Variants in SPATA13 observed in about 807,000 individuals in gnomAD.
SPATA13 encodes spermatogenesis-associated protein 13.
Under a neutral mutation model 104.0 loss-of-function variants are expected in SPATA13, and 50 were observed. The ratio of observed to expected loss-of-function variants is 0.48; its 90% CI spans 0.38 to 0.61. The LOEUF (loss-of-function observed/expected upper bound fraction) is 0.61, where lower values mean the gene tolerates loss of function less well. SPATA13 is among the 20% of genes least tolerant of loss of function. The probability of loss-of-function intolerance (pLI) is 0.00; values close to 1 mark genes in which losing one functional copy is unlikely to be tolerated. For synonymous variants in SPATA13, 606 were observed against 667.5 expected (o/e 0.91, Z 1.42); for missense variants, 1,524 against 1,690.6 (o/e 0.90, Z 1.73).
chr13:24,290,647 C>T lies in SPATA13; in HGVS notation c.2848-5C>T. 2.5e-6 allele frequency: 4 copies of T among 1,613,146 alleles called. No homozygotes were observed. The highest frequency in any genetic ancestry group is 3.4e-6 in the Non-Finnish European group (4 of 1,179,116). On this transcript the variant is annotated splice_region_variant and splice_polypyrimidine_tract_variant and intron_variant, in intron 8 of 12. Transcript: ENST00000382108. ...AGCTGACGAAGCTGTACTTTTCCTT[C>T]CCAGCAAGAGGGCTTTGCCATCTAT...
chr13:24,032,198 C>T (rs926419851), intron 3 of SPATA13, among the ~76,000 whole-genome samples: 25 of 152,184 alleles, frequency 1.6e-4, no homozygotes, highest in African/African-American at 4.8e-4. Flanking sequence ...CTCACCCTGA[C>T]GTTCCCTCTT....
intron 3 of SPATA13, among the ~76,000 whole-genome samples, chr13:24,064,451 G>A: frequency 6.6e-6 from 1 of 152,178 alleles, no homozygotes; most frequent in East Asian, 1.9e-4. Context: ...AGGCTGTTAG[G>A]AGGTGAGGCG....
intron 3 of SPATA13, among the ~76,000 whole-genome samples, chr13:24,047,978 A>G (rs11839907): frequency 0.96 from 146,308 of 152,290 alleles, 70,483 homozygotes; most frequent in Non-Finnish European, 1. Context: ...AATGTCTGAC[A>G]TCCCAGGGTA....
At position 24,190,132 on chromosome 13, in the gene SPATA13, C is replaced by CAATATATATTATTATATAACATATATAT. The variant is rs1869559113; in HGVS notation, c.-112+29225_-112+29252dup. On this transcript the variant is annotated intron_variant, in intron 1 of 12. Transcript: ENST00000382108. ...TATTATTATATAACATAATAATATA[C>CAATATATATTATTATATAACATATATAT]AATATATATTATTATATAACATATA... 3.4e-3 allele frequency among the ~76,000 whole-genome samples: 5 copies of CAATATATATTATTATATAACATATATAT among 1,474 alleles called. 2 individuals carry two copies. Among genetic ancestry groups the CAATATATATTATTATATAACATATATAT allele is most frequent in the African/African-American group, 3.5e-3 (5 of 1,446 alleles). The allele number at this position is 1,474 out of a possible 152,430, so 1.0% of individuals were successfully genotyped here.
chr13:24,201,122 T>C (rs1197766241), intron 1 of SPATA13, among the ~76,000 whole-genome samples: 7 of 152,080 alleles, frequency 4.6e-5, no homozygotes, highest in Admixed American at 4.6e-4. Flanking sequence ...AATGGTGTTA[T>C]TTGTTCCCTT....
intron 12 of SPATA13, among the ~76,000 whole-genome samples, chr13:24,301,550 A>G (rs1477998071): frequency 6.6e-6 from 1 of 152,232 alleles, no homozygotes; most frequent in Non-Finnish European, 1.5e-5. Flanking sequence ...CCCAGCAGCC[A>G]GGCTTCTCAA....
At chr13:24,000,640 A>G (rs111369795) in intron 2 of SPATA13, among the ~76,000 whole-genome samples, 17 of 152,358 alleles carry the variant, frequency 1.1e-4, no homozygotes, top group African/African-American at 4.1e-4. Context: ...AAAGGGCAAC[A>G]GGACATGCAG....
In SPATA13 at chr13:24,203,045, C is replaced by T. The variant is rs140444872; in HGVS notation, c.-111-19774C>T. On this transcript the variant is annotated intron_variant, in intron 1 of 12. Transcript: ENST00000382108. ...GGTTTGTTACATAGGTAAACGTGTG[C>T]CATGGTGGTTGGCTGCAGATCATCC... 8.1e-3 allele frequency among the ~76,000 whole-genome samples: 1,228 copies of T among 152,066 alleles called. 17 individuals are homozygous for T. Among genetic ancestry groups the T allele is most frequent in the African/African-American group, 0.028 (1,165 of 41,446 alleles).
At chr13:24,275,715 C>T (rs1874929066) in intron 4 of SPATA13, among the ~76,000 whole-genome samples, 1 of 152,232 alleles carries the variant, frequency 6.6e-6, no homozygotes, top group Admixed American at 6.5e-5. Flanking sequence ...AGGTGGATCA[C>T]CTGAGGTCAG....
At chr13:24,124,239 T>C (rs913022037) in intron 3 of SPATA13, among the ~76,000 whole-genome samples, 4 of 152,214 alleles carry the variant, frequency 2.6e-5, no homozygotes, top group African/African-American at 9.7e-5. Flanking sequence ...TATTAAAATG[T>C]GTTTTTGTTG....
At chr13:24,141,173 C>CAAAA (rs3075288) in intron 3 of SPATA13, among the ~76,000 whole-genome samples, 3,414 of 139,150 alleles carry the variant, frequency 0.025, 135 homozygotes, top group African/African-American at 0.087. Flanking sequence ...GACTCTGGCT[C>CAAAA]AAAAAAAAAA....
At chr13:24,012,438 G>T (rs1018514632) in intron 2 of SPATA13, among the ~76,000 whole-genome samples, 1 of 152,184 alleles carries the variant, frequency 6.6e-6, no homozygotes, top group Admixed American at 6.5e-5. Flanking sequence ...CACCATTAGG[G>T]TGTCCTCTAG....
rs759580503 is a variant in SPATA13 at position 24,284,235 on chromosome 13, C to T, written c.2265C>T (p.Tyr755=). 6.2e-7 allele frequency: 1 copy of T among 1,613,774 alleles called. No individual in the cohort carries two copies. Among genetic ancestry groups the T allele is most frequent in the Non-Finnish European group, 8.5e-7 (1 of 1,179,936 alleles). The change falls in exon 5 of 13, where the codon TAC becomes TAT. Residue 755 remains tyrosine, a synonymous_variant. Coordinates refer to ENST00000382108, the MANE Select transcript of SPATA13 (RefSeq NM_001166271.3). ...YEDLCQASPR[Y]LQPGGEQLAI... is the part of the protein sequence containing the mutation. ...ACCTCTGCCAGGCCAGCCCTCGGTA[C>T]CTGCAGCCCGGCGGGGAGCAGCTGG...
intron 1 of SPATA13, among the ~76,000 whole-genome samples, chr13:24,222,511 G>A (rs1871645238): frequency 6.6e-6 from 1 of 151,990 alleles, no homozygotes; most frequent in South Asian, 2.1e-4. Flanking sequence ...AGATAGTGTT[G>A]AATGATACCT....
At chr13:24,102,615 T>C (rs930200713) in intron 3 of SPATA13, among the ~76,000 whole-genome samples, 5 of 151,940 alleles carry the variant, frequency 3.3e-5, no homozygotes, top group African/African-American at 1.2e-4. Context: ...GCTGGGATTA[T>C]AGGTGCCCAC....
intron 3 of SPATA13, among the ~76,000 whole-genome samples, chr13:24,033,173 C>G (rs1013462782): frequency 3.3e-5 from 5 of 152,206 alleles, no homozygotes; most frequent in African/African-American, 1.2e-4. Context: ...AGCAAGACCA[C>G]TTAGCTAAAC....
chr13:24,291,749 T>TTTTTTTTTATTTTTTCTTTTTTA (rs1555277158), intron 9 of SPATA13, among the ~76,000 whole-genome samples: 1 of 79,784 alleles, frequency 1.3e-5, no homozygotes, highest in Non-Finnish European at 2.5e-5. Flanking sequence ...TATTTTTTTA[T>TTTTTTTTTATTTTTTCTTTTTTA]TTTTTTATTT....
At chr13:24,016,558 TTCA>T (rs1325852542) in intron 2 of SPATA13, among the ~76,000 whole-genome samples, 1 of 152,154 alleles carries the variant, frequency 6.6e-6, no homozygotes, top group Non-Finnish European at 1.5e-5. Flanking sequence ...GGCCGCTGGG[TTCA>T]CCTTGACCTC....
At chr13:24,121,018 C>T (rs1322764616) in intron 3 of SPATA13, among the ~76,000 whole-genome samples, 1 of 142,652 alleles carries the variant, frequency 7.0e-6, no homozygotes, top group Non-Finnish European at 1.5e-5. Context: ...GCTTGCTTTT[C>T]TTTTCTTTTT....
Sources: gnomAD v4.1 joint callset for allele counts (sites outside exome capture counted in the v4.1 genomes callset) on GRCh38, gnomAD v4.1.1 for gene constraint, MANE v1.5 for transcripts, NCBI Gene and HGNC (gene_info 2026-07-23, HGNC 2026-07-21) for gene names.